Variants in PHF8 observed in about 807,000 individuals in gnomAD.
PHF8 encodes the protein histone lysine demethylase PHF8.
A neutral mutation model predicts 74.4 loss-of-function variants in PHF8; 9 were observed. The ratio of observed to expected loss-of-function variants is 0.12; its 90% CI spans 0.07 to 0.21. The LOEUF (loss-of-function observed/expected upper bound fraction) is 0.21, where lower values mean the gene tolerates loss of function less well. PHF8 is among the 10% of genes least tolerant of loss of function. The pLI is 1.00. For missense variants in PHF8, 478 were observed against 816.6 expected (o/e 0.59, Z 5.05); for synonymous variants, 311 against 316.6 (o/e 0.98, Z 0.19).
At chrX:54,003,976 C>T (rs1163920943) in intron 8 of PHF8, among the ~76,000 whole-genome samples, 4 of 111,930 alleles carry the variant, frequency 3.6e-5, no homozygotes, top group African/African-American at 1.3e-4. Flanking sequence ...CTTCTCTGTG[C>T]TTCCAAAACT....
At chrX:53,941,406 C>T (rs782546525) in intron 20 of PHF8, among the ~76,000 whole-genome samples, 1 of 112,071 alleles carries the variant, frequency 8.9e-6, no homozygotes, top group South Asian at 3.7e-4. Context: ...AAAAACCTCA[C>T]TTTGGGGATG....
chrX:54,037,280 C>T (rs1557114669), intron 2 of PHF8, among the ~76,000 whole-genome samples: 3 of 111,671 alleles, frequency 2.7e-5, no homozygotes, highest in Non-Finnish European at 5.6e-5. Context: ...CAGGGTCTCG[C>T]TCTGTCACCC....
intron 19 of PHF8, among the ~76,000 whole-genome samples, chrX:53,962,446 G>C (rs1428128009): frequency 1.8e-5 from 2 of 110,702 alleles, no homozygotes; most frequent in Admixed American, 9.7e-5. Flanking sequence ...TGATAATCTT[G>C]GGCCTTATAG....
At chrX:54,032,386 T>C (rs1206445192) in intron 2 of PHF8, among the ~76,000 whole-genome samples, 2 of 110,604 alleles carry the variant, frequency 1.8e-5, no homozygotes, top group Admixed American at 9.7e-5. Context: ...TCTATTACTC[T>C]CCCCTCACTC....
intron 21 of PHF8, among the ~76,000 whole-genome samples, chrX:53,939,697 C>T (rs1430605498): frequency 1.8e-5 from 2 of 111,147 alleles, no homozygotes; most frequent in African/African-American, 6.5e-5. Flanking sequence ...TCACACCAAC[C>T]TCCATGCCCT....
chrX:54,009,806 A>C, intron 8 of PHF8, among the ~76,000 whole-genome samples: 2 of 86,272 alleles, frequency 2.3e-5, no homozygotes, highest in Middle Eastern at 0.012. Flanking sequence ...TCGCACCACT[A>C]CACTCCAGCC....
intron 2 of PHF8, among the ~76,000 whole-genome samples, chrX:54,033,606 G>A (rs781839658): frequency 3.4e-4 from 38 of 111,749 alleles, no homozygotes; most frequent in Admixed American, 5.7e-4. Flanking sequence ...CCAGCTACTC[G>A]GGAGGCTGAG....
chrX:53,977,983 C>A (rs1448520339), intron 18 of PHF8, among the ~76,000 whole-genome samples: 2 of 85,113 alleles, frequency 2.3e-5, no homozygotes, highest in African/African-American at 4.5e-5. Context: ...CTCACTCTGT[C>A]CCCCCAGGCT....
chrX:53,942,635 T>C (rs2064769106), intron 20 of PHF8: 3 of 697,595 alleles, frequency 4.3e-6, no homozygotes, highest in Non-Finnish European at 5.1e-6. Flanking sequence ...CATAGTTTAA[T>C]AAGAAACACC....
chrX:54,026,045 A>G (rs1039501073), intron 2 of PHF8, among the ~76,000 whole-genome samples: 2 of 111,523 alleles, frequency 1.8e-5, no homozygotes, highest in African/African-American at 3.3e-5. Context: ...GTGCCATCAT[A>G]AATTCACTGT....
At chrX:53,955,104 T>C (rs931182334) in intron 19 of PHF8, among the ~76,000 whole-genome samples, 2 of 112,009 alleles carry the variant, frequency 1.8e-5, no homozygotes, top group South Asian at 3.7e-4. Flanking sequence ...TTATTACTAA[T>C]ATAGTACTTC....
chrX:54,025,064 G>A (rs952346496), intron 2 of PHF8, among the ~76,000 whole-genome samples: 2 of 109,829 alleles, frequency 1.8e-5, no homozygotes, highest in Non-Finnish European at 3.8e-5. Context: ...TTTTAGTAGA[G>A]ATGGAGTTTC....
intron 3 of PHF8, among the ~76,000 whole-genome samples, 171 bp from the exon 4 acceptor site, chrX:54,022,538 C>T (rs782638484): frequency 2.7e-5 from 3 of 111,659 alleles, no homozygotes; most frequent in Non-Finnish European, 5.6e-5. Flanking sequence ...TGGATGGGTA[C>T]TTTCTCTAGA....
intron 15 of PHF8, 120 bp downstream of exon 15, chrX:53,987,646 T>C (rs2065586686): frequency 8.4e-6 from 5 of 595,286 alleles, no homozygotes; most frequent in Non-Finnish European, 1.4e-5. Flanking sequence ...GAGGCGGAGG[T>C]TGCAGTGAGC....
At chrX:54,013,656 A>G (rs1042167518) in intron 7 of PHF8, among the ~76,000 whole-genome samples, 2 of 109,998 alleles carry the variant, frequency 1.8e-5, no homozygotes, top group African/African-American at 6.6e-5. Flanking sequence ...CGTCTCTACT[A>G]AAAATACAAA....
At chrX:53,950,304 G>C (rs2064903067) in intron 19 of PHF8, among the ~76,000 whole-genome samples, 1 of 111,821 alleles carries the variant, frequency 8.9e-6, no homozygotes, top group Non-Finnish European at 1.9e-5. Flanking sequence ...GAATTTTAAA[G>C]GCATGTGCTT....
intron 18 of PHF8, among the ~76,000 whole-genome samples, chrX:53,972,517 T>C (rs1446324610): frequency 9.0e-6 from 1 of 110,683 alleles, no homozygotes; most frequent in Non-Finnish European, 1.9e-5. Flanking sequence ...ATAAACGTAA[T>C]TCATCACATA....
chrX:54,000,959 T>C (rs1315070398), intron 10 of PHF8, among the ~76,000 whole-genome samples: 2 of 113,040 alleles, frequency 1.8e-5, no homozygotes, highest in African/African-American at 6.4e-5. Context: ...TGCCTTGCCA[T>C]GTATTATGCT....
In PHF8 at chrX:53,993,901, G is replaced by A. The variant is rs782245000; in HGVS notation, c.1326C>T (p.Asp442=). The change falls in exon 13 of 22, where the codon GAC becomes GAT. Residue 442 remains aspartate, a splice_region_variant and synonymous_variant. Coordinates refer to ENST00000338154, the MANE Select transcript of PHF8 (RefSeq NM_015107.3). ...DLAREIRLVE[D]IFQQNVGKTS... is the part of the protein sequence containing the mutation. ...TCTTCCCAACGTTCTGTTGGAAGAT[G>A]TCCTACAAGAGTGTTAGTACATGAG... 23 of 1,189,244 alleles carry A rather than the reference G, an allele frequency of 1.9e-5. No individual in the cohort carries two copies. The Admixed American group carries it at 3.1e-4, about 16-fold the overall frequency.
Sources: allele counts gnomAD v4.1 joint callset (sites outside exome capture counted in the v4.1 genomes callset), GRCh38; gene constraint gnomAD v4.1.1; transcripts MANE v1.5; gene names NCBI Gene and HGNC (gene_info 2026-07-23, HGNC 2026-07-21).